The following TXNDC15 variants were observed in gnomAD, a reference collection of about 807,000 sequenced individuals.
TXNDC15 encodes thioredoxin domain-containing protein 15.
A neutral mutation model predicts 35.0 loss-of-function variants in TXNDC15; 24 were observed. The ratio of observed to expected loss-of-function variants is 0.68; its 90% CI spans 0.50 to 0.96. The LOEUF is 0.96. Ranked by LOEUF, TXNDC15 falls within the 40% of genes least tolerant of loss-of-function variation. The probability of loss-of-function intolerance (pLI) is 0.00; values close to 1 mark genes in which losing one functional copy is unlikely to be tolerated. For missense variants in TXNDC15, 385 were observed against 453.3 expected (o/e 0.85, Z 1.37); for synonymous variants, 169 against 174.0 (o/e 0.97, Z 0.23).
At chr5:134,886,376 A>G (rs1750275348) in intron 1 of TXNDC15, among the ~76,000 whole-genome samples, 1 of 152,210 alleles carries the variant, frequency 6.6e-6, no homozygotes, top group Admixed American at 6.5e-5. Flanking sequence ...AGCTTTCGTG[A>G]GGGCTGCTGG....
At chr5:134,895,382 C>T (rs1750469006) in intron 3 of TXNDC15, among the ~76,000 whole-genome samples, 1 of 152,136 alleles carries the variant, frequency 6.6e-6, no homozygotes, top group African/African-American at 2.4e-5. Flanking sequence ...TTTGGTGGGG[C>T]CTCCACTGCC....
chr5:134,874,299 C>T (rs1749981303), upstream of TXNDC15: 4 of 730,486 alleles, frequency 5.5e-6, no homozygotes, highest in Non-Finnish European at 8.4e-6. Flanking sequence ...TGGCGCCCGC[C>T]ACAGCTGCCA....
rs997941760 is a variant in TXNDC15 at position 134,877,508 on chromosome 5, A to G, written c.103+2978A>G. Among the ~76,000 whole-genome samples, 11 of 152,314 alleles carry G rather than the reference A, an allele frequency of 7.2e-5. No individual in the cohort carries two copies. The East Asian group carries it at 2.1e-3, about 29-fold the overall frequency. On this transcript the variant is annotated intron_variant, in intron 1 of 4. Coordinates refer to ENST00000358387, the MANE Select transcript of TXNDC15 (RefSeq NM_024715.4). ...ACCAGGGAGACCAGTTTAGGTGGCT[A>G]CAGTAGTTGCCCAGACAAGAATTGG...
rs769650626 is a variant in TXNDC15 at position 134,899,489 on chromosome 5, G to A, written c.887G>A (p.Gly296Asp). 3.7e-6 allele frequency: 6 copies of A among 1,609,906 alleles called. No individual in the cohort carries two copies. The highest frequency in any genetic ancestry group is 3.3e-5 in the South Asian group (3 of 89,946). ...TLKIFIFNQT[G>D]IEAKKNVVVT... ...TTGAAACCAGTGATTTTTCTTTCAG[G>A]TATAGAAGCCAAGAAGAATGTGGTG... The change falls in exon 5 of 5, where the codon GGT becomes GAT. Residue 296 changes from glycine to aspartate, a missense_variant and splice_region_variant. By Grantham distance (94) the Gly-to-Asp change is moderately conservative. Transcript: ENST00000358387.
chr5:134,900,605 GGCAGAGGTT>G lies in TXNDC15; in HGVS notation c.*925_*933del, dbSNP rs1435444468. ...GCATGAGAATCACTTGAACCCGGGA[GGCAGAGGTT>G]GCAGTGAGCTGAGATCATGCCACTG... On this transcript the variant is annotated 3_prime_UTR_variant, in exon 5 of 5. Transcript: ENST00000358387. The G allele has an allele frequency of 6.6e-6, 1 of 152,112 alleles. No homozygotes were observed. The highest frequency in any genetic ancestry group is 2.4e-5 in the African/African-American group (1 of 41,404). The allele number at this position is 152,112 out of a possible 1,614,324, so 9.4% of individuals were successfully genotyped here.
chr5:134,876,725 C>A (rs1750040893), intron 1 of TXNDC15, among the ~76,000 whole-genome samples: 1 of 148,352 alleles, frequency 6.7e-6, no homozygotes, highest in South Asian at 2.1e-4. Flanking sequence ...AGCTGAAAAT[C>A]TGAGGTGTTT....
intron 3 of TXNDC15, among the ~76,000 whole-genome samples, chr5:134,895,205 TG>T (rs1162647757): frequency 1.3e-5 from 2 of 152,102 alleles, no homozygotes; most frequent in Non-Finnish European, 2.9e-5. Context: ...TGTATTCCAC[TG>T]ATTTTCATTG....
chr5:134,883,682 G>A (rs1342745697), intron 1 of TXNDC15, among the ~76,000 whole-genome samples: 2 of 151,794 alleles, frequency 1.3e-5, no homozygotes, highest in East Asian at 3.9e-4. Flanking sequence ...GGAGGCTGAG[G>A]CAGGCAGATC....
chr5:134,877,960 A>C (rs1750073311), intron 1 of TXNDC15, among the ~76,000 whole-genome samples: 1 of 152,116 alleles, frequency 6.6e-6, no homozygotes, highest in Non-Finnish European at 1.5e-5. Context: ...TTTTTAGTAG[A>C]GATGGGGTTT....
intron 1 of TXNDC15, among the ~76,000 whole-genome samples, chr5:134,876,173 G>A (rs1750029306): frequency 6.6e-6 from 1 of 152,172 alleles, no homozygotes; most frequent in East Asian, 1.9e-4. Context: ...AGAGGGGATG[G>A]CATGGGTTGG....
intron 1 of TXNDC15, chr5:134,875,458 C>T: frequency 2.2e-6 from 1 of 450,136 alleles, no homozygotes; most frequent in South Asian, 1.6e-5. Context: ...ATGCTGTGCT[C>T]AGTGCTTTAC....
chr5:134,879,118 GA>G (rs1183235094), intron 1 of TXNDC15, among the ~76,000 whole-genome samples: 1 of 152,214 alleles, frequency 6.6e-6, no homozygotes, highest in Non-Finnish European at 1.5e-5. Flanking sequence ...ATTCCTAAAT[GA>G]AAACGTTGGT....
intron 1 of TXNDC15, 62 bp downstream of exon 1, chr5:134,874,592 C>G: frequency 7.3e-7 from 1 of 1,362,866 alleles, no homozygotes. Flanking sequence ...ACCCGGGCGA[C>G]GCTCTGGACC....
intron 1 of TXNDC15, among the ~76,000 whole-genome samples, chr5:134,877,809 T>G (rs904817514): frequency 6.6e-6 from 1 of 150,542 alleles, no homozygotes; most frequent in Non-Finnish European, 1.5e-5. Context: ...AGTTTTGCTC[T>G]TGTTGCTCAG....
chr5:134,877,746 T>G (rs1750066488), intron 1 of TXNDC15, among the ~76,000 whole-genome samples: 1 of 151,742 alleles, frequency 6.6e-6, no homozygotes, highest in South Asian at 2.1e-4. Flanking sequence ...TAGCTGGGAT[T>G]ACAGGCATGC....
rs767634865 is a variant in TXNDC15 at position 134,899,580 on chromosome 5, T to C, written c.978T>C (p.Leu326=). 2 of 1,614,020 alleles carry C rather than the reference T, an allele frequency of 1.2e-6. No individual in the cohort carries two copies. Residue 326 remains leucine (L), a synonymous_variant, in exon 5 of 5, where the codon CTT becomes CTC. Transcript: ENST00000358387. ...STLIKSVDWL[L]VFSLFFLISF... ...TGATAAAAAGTGTGGACTGGTTGCTTGTATTTTCCTTATTCTTTTTAATTA... is the reference window on the plus strand; with the variant it reads ...TGATAAAAAGTGTGGACTGGTTGCTCGTATTTTCCTTATTCTTTTTAATTA...
chr5:134,891,691 A>G (rs1750389908), intron 2 of TXNDC15, among the ~76,000 whole-genome samples: 1 of 152,216 alleles, frequency 6.6e-6, no homozygotes, highest in South Asian at 2.1e-4. Flanking sequence ...TTCAGAGGCC[A>G]AGGTGGGTGG....
At position 134,898,164 on chromosome 5, in the gene TXNDC15, T is replaced by C. The variant is rs79088294; in HGVS notation, c.887-1325T>C. On this transcript the variant is annotated intron_variant, in intron 4 of 4. Transcript: ENST00000358387. ...TTTGGACTTCATATTAATGGAGACA[T>C]GCAGGATGTTTTATTTTGTGTCTGT... is the stretch of plus-strand genomic sequence containing the variant. 3.4e-3 allele frequency among the ~76,000 whole-genome samples: 514 copies of C among 152,350 alleles called. 7 individuals are homozygous for C. In the East Asian group the frequency reaches 0.037, roughly 11 times the overall value.
intron 4 of TXNDC15, among the ~76,000 whole-genome samples, chr5:134,898,252 TTC>T (rs1464613890): frequency 2.6e-5 from 4 of 152,250 alleles, no homozygotes; most frequent in Admixed American, 6.5e-5. Context: ...TTATGTTTTG[TTC>T]TTTTTCTTTG....
Sources: allele counts gnomAD v4.1 joint callset (sites outside exome capture counted in the v4.1 genomes callset), GRCh38; gene constraint gnomAD v4.1.1; transcripts MANE v1.5; gene names NCBI Gene and HGNC (gene_info 2026-07-23, HGNC 2026-07-21).